The following HYDIN variants were observed in gnomAD, a reference collection of about 807,000 sequenced individuals.
HYDIN encodes axonemal central pair apparatus protein HYDIN.
A neutral mutation model predicts 403.9 loss-of-function variants in HYDIN; 132 were observed. The observed-to-expected ratio is 0.33, with a 90% CI of 0.28 to 0.38. HYDIN has a LOEUF of 0.38. Ranked by LOEUF, HYDIN falls within the 10% of genes least tolerant of loss-of-function variation. HYDIN has a pLI of 1.00. For synonymous variants in HYDIN, 1,202 were observed against 1,891.7 expected (o/e 0.64, Z 9.46); for missense variants, 2,827 against 5,009.5 (o/e 0.56, Z 13.15).
At chr16:71,179,282 T>C (rs1303511216) in intron 3 of HYDIN, among the ~76,000 whole-genome samples, 2 of 151,648 alleles carry the variant, frequency 1.3e-5, no homozygotes, top group Non-Finnish European at 2.9e-5. Context: ...CAAAAACACA[T>C]GCCTACTTTT....
At chr16:71,211,454 C>A (rs1299235509) in intron 1 of HYDIN, among the ~76,000 whole-genome samples, 1 of 151,884 alleles carries the variant, frequency 6.6e-6, no homozygotes, top group Non-Finnish European at 1.5e-5. Context: ...TCCTGGCTAA[C>A]AAGGTGAAAC....
At chr16:71,020,596 G>A (rs1043101059) in intron 21 of HYDIN, among the ~76,000 whole-genome samples, 4 of 152,158 alleles carry the variant, frequency 2.6e-5, no homozygotes, top group Non-Finnish European at 5.9e-5. Context: ...ATTACTTGAG[G>A]TCAGGAGTTT....
intron 18 of HYDIN, among the ~76,000 whole-genome samples, chr16:71,056,834 G>A (rs6416716): frequency 0.46 from 48,059 of 105,118 alleles, 9,013 homozygotes; most frequent in Non-Finnish European, 0.5. Context: ...GGTACTGTAC[G>A]TCAAGTTGAA....
chr16:71,203,970 T>G (rs1280245283), intron 1 of HYDIN: 1 of 339,680 alleles, frequency 2.9e-6, no homozygotes, highest in Non-Finnish European at 5.8e-6. Context: ...GAGACTGAAG[T>G]GGGAGGATGG....
intron 45 of HYDIN, among the ~76,000 whole-genome samples, chr16:70,926,095 G>A (rs1330601948): frequency 6.7e-6 from 1 of 149,574 alleles, no homozygotes; most frequent in Non-Finnish European, 1.5e-5. Flanking sequence ...ATTTGACCCA[G>A]CCATCCCATT....
At chr16:70,990,486 T>A (rs1208542256) in intron 25 of HYDIN, among the ~76,000 whole-genome samples, 2 of 149,612 alleles carry the variant, frequency 1.3e-5, no homozygotes, top group Non-Finnish European at 3.0e-5. Context: ...TTTTTCTTTA[T>A]ACAAATGGTA....
At chr16:71,082,278 C>T (rs148826667) in intron 12 of HYDIN, among the ~76,000 whole-genome samples, 329 of 152,246 alleles carry the variant, frequency 2.2e-3, no homozygotes, top group Non-Finnish European at 3.5e-3. Flanking sequence ...TATGAATAGA[C>T]ATTTATTCAT....
intron 84 of HYDIN, among the ~76,000 whole-genome samples, chr16:70,813,343 G>A (rs1288487850): frequency 6.6e-6 from 1 of 151,662 alleles, no homozygotes; most frequent in Non-Finnish European, 1.5e-5. Flanking sequence ...CTAGGGAGAG[G>A]CCCGCATAGT....
chr16:70,907,148 G>T (rs2076559032), intron 50 of HYDIN, among the ~76,000 whole-genome samples: 1 of 152,190 alleles, frequency 6.6e-6, no homozygotes, highest in African/African-American at 2.4e-5. Flanking sequence ...GATCAAGCCT[G>T]AAACCTCTCC....
chr16:70,878,669 G>T (rs1336205900), intron 62 of HYDIN, among the ~76,000 whole-genome samples: 1 of 144,906 alleles, frequency 6.9e-6, no homozygotes, highest in African/African-American at 2.9e-5. Flanking sequence ...TTGTTTTTTG[G>T]CTTCTGCACC....
intron 23 of HYDIN, among the ~76,000 whole-genome samples, chr16:71,008,227 A>G (rs1176373569): frequency 6.6e-6 from 1 of 151,358 alleles, no homozygotes; most frequent in African/African-American, 2.4e-5. Context: ...CATACCCCAA[A>G]CTTTAGCCTC....
In HYDIN at chr16:70,995,360, G is replaced by A. The variant is rs539085303; in HGVS notation, c.3645-3150C>T. On this transcript the variant is annotated intron_variant, in intron 23 of 85. Coordinates refer to ENST00000393567, the MANE Select transcript of HYDIN (RefSeq NM_001270974.2). ...TACTGTTCCAATTCCAGAGCTCCCCGTATCAGAATCATGGGAGAAGCCAGG... is the reference window on the plus strand; with the variant it reads ...TACTGTTCCAATTCCAGAGCTCCCCATATCAGAATCATGGGAGAAGCCAGG... 2.0e-4 allele frequency among the ~76,000 whole-genome samples: 31 copies of A among 152,190 alleles called. No homozygotes were observed. In the South Asian group the frequency reaches 6.2e-3, roughly 31 times the overall value.
intron 41 of HYDIN, among the ~76,000 whole-genome samples, chr16:70,947,487 T>G (rs1019058477): frequency 5.9e-5 from 9 of 151,780 alleles, no homozygotes; most frequent in Non-Finnish European, 1.3e-4. Context: ...TCAAGGATAT[T>G]GGTCTAAAAT....
At chr16:71,151,481 G>A (rs1276740393) in intron 7 of HYDIN, among the ~76,000 whole-genome samples, 1 of 151,734 alleles carries the variant, frequency 6.6e-6, no homozygotes, top group Non-Finnish European at 1.5e-5. Flanking sequence ...CAATCTACCA[G>A]TGTGACTTCC....
intron 59 of HYDIN, 37 bp downstream of exon 59, chr16:70,883,883 C>A (rs770914676): frequency 2.5e-6 from 4 of 1,589,028 alleles, no homozygotes; most frequent in Non-Finnish European, 2.6e-6. Context: ...AGATGAACAC[C>A]TTTTAAGTGG....
At chr16:71,098,670 G>C (rs796677253) in intron 10 of HYDIN, among the ~76,000 whole-genome samples, 142 of 146,952 alleles carry the variant, frequency 9.7e-4, no homozygotes, top group African/African-American at 3.5e-3. Context: ...GGAATAAACT[G>C]CAGGACTATT....
At chr16:71,026,386 G>T (rs2080699924) in intron 20 of HYDIN, among the ~76,000 whole-genome samples, 1 of 152,186 alleles carries the variant, frequency 6.6e-6, no homozygotes, top group Non-Finnish European at 1.5e-5. Context: ...TCTCAATTAT[G>T]TAGCATGATT....
chr16:71,117,968 C>T (rs147373681), intron 9 of HYDIN, among the ~76,000 whole-genome samples: 2,153 of 151,854 alleles, frequency 0.014, 48 homozygotes, highest in African/African-American at 0.049. Flanking sequence ...TATGATACCT[C>T]GGGCCATTGC....
Position 71,069,371 on chromosome 16 carries a change from T to C in HYDIN, c.1870A>G (p.Arg624Gly), listed in dbSNP as rs765367512. 1.2e-6 allele frequency: 2 copies of C among 1,614,226 alleles called. No homozygotes were observed. Among genetic ancestry groups the C allele is most frequent in the Non-Finnish European group, 1.7e-6 (2 of 1,180,020 alleles). ...SYCEQHVDYK[R>G]PSWTKEEISS... ...ATTTCTTCCTTGGTCCAAGATGGTC[T>C]TTTGTAGTCCACATGCTGCTCACAA... The change falls in exon 14 of 86, where the codon AGA becomes GGA. Residue 624 changes from arginine to glycine, a missense_variant. Coordinates refer to ENST00000393567, the MANE Select transcript of HYDIN (RefSeq NM_001270974.2).
Sources: gnomAD v4.1 joint callset for allele counts (sites outside exome capture counted in the v4.1 genomes callset) on GRCh38, gnomAD v4.1.1 for gene constraint, MANE v1.5 for transcripts, NCBI Gene and HGNC (gene_info 2026-07-23, HGNC 2026-07-21) for gene names.